The following RIN2 variants were observed in gnomAD, a reference collection of about 807,000 sequenced individuals.
RIN2 encodes Ras and Rab interactor 2, also known as RAB5 interacting protein 2.
RIN2 carries 36 observed loss-of-function variants against 78.0 expected under a neutral mutation model. The ratio of observed to expected loss-of-function variants is 0.46; its 90% CI spans 0.35 to 0.61. The LOEUF is 0.61. Among genes scored for constraint, RIN2 ranks in the 20% least tolerant of loss-of-function variants. RIN2 has a pLI of 0.00. For missense variants in RIN2, 1,087 were observed against 1,159.7 expected (o/e 0.94, Z 0.91); for synonymous variants, 466 against 466.8 (o/e 1.00, Z 0.02).
At chr20:19,776,230 C>T (rs2034305057) in intron 1 of RIN2, among the ~76,000 whole-genome samples, 1 of 152,184 alleles carries the variant, frequency 6.6e-6, no homozygotes, top group Admixed American at 6.5e-5. Context: ...GGAATTCAGG[C>T]ACAGCTGACC....
rs868402604 is a variant in RIN2, at chr20:19,764,569, C to T, written c.-163+6242C>T. ...AAATGTTTATCGCTTCAGCGATACA[C>T]ATTTTGTTATACAAAATCTTTAACC... On this transcript the variant is annotated intron_variant, in intron 1 of 12. Transcript: ENST00000255006. Among the ~76,000 whole-genome samples the T allele has an allele frequency of 2.6e-5, 4 of 152,346 alleles. No homozygotes were observed. In the Middle Eastern group the frequency reaches 0.01, roughly 389 times the overall value.
chr20:19,893,219 T>C (rs2038563721), intron 3 of RIN2, among the ~76,000 whole-genome samples: 1 of 152,096 alleles, frequency 6.6e-6, no homozygotes, highest in Admixed American at 6.5e-5. Context: ...AGGAAGATGG[T>C]TGGAGCTAAG....
At chr20:19,851,023 AAGG>A (rs1568814837) in intron 2 of RIN2, among the ~76,000 whole-genome samples, 6 of 121,684 alleles carry the variant, frequency 4.9e-5, no homozygotes, top group African/African-American at 2.3e-4. Context: ...GGAAGGAAGG[AAGG>A]AAGGAAGGAA....
Position 19,909,009 on chromosome 20 carries a change from C to T in RIN2, c.57+19351C>T, listed in dbSNP as rs187044713. Among the ~76,000 whole-genome samples, 356 of 152,266 alleles carry T rather than the reference C, an allele frequency of 2.3e-3. 3 individuals carry two copies. Among genetic ancestry groups the T allele is most frequent in the Middle Eastern group, 0.02 (6 of 294 alleles). ...CCTCCCAAGTAGCTGAGATTACAGA[C>T]GCCCACCGCCACTCCCAGCTAACTT... On this transcript the variant is annotated intron_variant, in intron 3 of 12. Coordinates refer to ENST00000255006, the MANE Select transcript of RIN2 (RefSeq NM_018993.4).
chr20:19,898,959 G>A (rs1300124994), intron 3 of RIN2, among the ~76,000 whole-genome samples: 1 of 152,140 alleles, frequency 6.6e-6, no homozygotes, highest in Non-Finnish European at 1.5e-5. Flanking sequence ...CAGAATCAAT[G>A]TTATACATTT....
intron 1 of RIN2, among the ~76,000 whole-genome samples, chr20:19,779,683 A>G (rs2034432191): frequency 6.6e-6 from 1 of 152,214 alleles, no homozygotes. Context: ...AAAAACAAGT[A>G]TTAATATTTT....
chr20:19,961,018 C>G (rs565186891), intron 6 of RIN2, among the ~76,000 whole-genome samples: 1 of 152,302 alleles, frequency 6.6e-6, no homozygotes. Flanking sequence ...GTTAATGAGT[C>G]AAACAACCTG....
intron 1 of RIN2, among the ~76,000 whole-genome samples, chr20:19,777,698 T>C (rs2034359141): frequency 2.6e-5 from 4 of 152,278 alleles, no homozygotes; most frequent in Admixed American, 2.6e-4. Flanking sequence ...AATGGGATTT[T>C]CTATTCACAT....
chr20:19,852,372 T>C (rs13040206), intron 2 of RIN2, among the ~76,000 whole-genome samples: 18,791 of 152,258 alleles, frequency 0.12, 1,291 homozygotes, highest in African/African-American at 0.19. Context: ...AGTCACCTTA[T>C]TGATCTGCAG....
intron 1 of RIN2, among the ~76,000 whole-genome samples, chr20:19,785,405 A>G (rs569434308): frequency 6.6e-6 from 1 of 152,318 alleles, no homozygotes; most frequent in South Asian, 2.1e-4. Context: ...AATCAGAACT[A>G]AAATGGGCAA....
At chr20:19,911,524 A>G (rs919591922) in intron 3 of RIN2, among the ~76,000 whole-genome samples, 1 of 152,260 alleles carries the variant, frequency 6.6e-6, no homozygotes, top group African/African-American at 2.4e-5. Context: ...TCTCTTGCAC[A>G]AACAGTAAGT....
chr20:19,948,410 T>C (rs1600905819), intron 4 of RIN2, among the ~76,000 whole-genome samples: 1 of 152,236 alleles, frequency 6.6e-6, no homozygotes, highest in East Asian at 1.9e-4. Context: ...ACATATTTTT[T>C]TGGAGACGCA....
chr20:19,940,965 G>A (rs1031036558), intron 4 of RIN2, among the ~76,000 whole-genome samples: 2 of 152,206 alleles, frequency 1.3e-5, no homozygotes, highest in Non-Finnish European at 2.9e-5. Flanking sequence ...GAGCAGGTCA[G>A]TGAGAACTGC....
intron 3 of RIN2, 91 bp downstream of exon 3, chr20:19,889,749 C>A: frequency 9.5e-7 from 1 of 1,050,912 alleles, no homozygotes; most frequent in Non-Finnish European, 1.3e-6. Flanking sequence ...TGAGGGAAGT[C>A]TGCTCTCTGA....
At chr20:19,820,646 G>A (rs886974769) in intron 2 of RIN2, among the ~76,000 whole-genome samples, 2 of 152,124 alleles carry the variant, frequency 1.3e-5, no homozygotes, top group Admixed American at 1.3e-4. Context: ...CCAGGTTCCA[G>A]GCCAGGCCAG....
chr20:19,933,314 G>T (rs756418350), intron 3 of RIN2, among the ~76,000 whole-genome samples: 9 of 152,164 alleles, frequency 5.9e-5, no homozygotes, highest in Non-Finnish European at 1.2e-4. Context: ...CTCTCCTCCT[G>T]CACACCTTCC....
intron 2 of RIN2, among the ~76,000 whole-genome samples, chr20:19,827,062 G>A (rs576795467): frequency 4.2e-5 from 6 of 144,136 alleles, no homozygotes; most frequent in South Asian, 4.7e-4. Context: ...TGCAACCTCC[G>A]CCTCCTGGGT....
rs6112578 is a variant in RIN2 at position 19,791,644 on chromosome 20, G to C, written c.-162-7978G>C. Among the ~76,000 whole-genome samples the C allele has an allele frequency of 5.3e-3, 809 of 152,234 alleles. 8 individuals are homozygous for C. Among genetic ancestry groups the C allele is most frequent in the African/African-American group, 0.019 (773 of 41,542 alleles). On this transcript the variant is annotated intron_variant, in intron 1 of 12. Transcript: ENST00000255006. ...TTTTCTTCATTACACAAATGTCTTT[G>C]GAAAGGGAATGAAAAATATAACAAA...
chr20:19,875,870 A>G (rs1274876554), intron 2 of RIN2, among the ~76,000 whole-genome samples: 2 of 152,208 alleles, frequency 1.3e-5, no homozygotes, highest in Non-Finnish European at 2.9e-5. Context: ...GGCGCAGTCC[A>G]AGGCCTGAGT....
Sources: allele counts gnomAD v4.1 joint callset (sites outside exome capture counted in the v4.1 genomes callset), GRCh38; gene constraint gnomAD v4.1.1; transcripts MANE v1.5; gene names NCBI Gene and HGNC (gene_info 2026-07-23, HGNC 2026-07-21).